SRSF11: variants seen among roughly 807,000 people sequenced by gnomAD.
SRSF11 encodes the protein serine/arginine-rich splicing factor 11.
In SRSF11, 9 loss-of-function variants were observed where a neutral mutation model predicts 56.0. The observed-to-expected ratio is 0.16, with a 90% confidence interval of 0.10 to 0.28. The LOEUF (loss-of-function observed/expected upper bound fraction) is 0.28, where lower values mean the gene tolerates loss of function less well. Among genes scored for constraint, SRSF11 ranks in the 10% least tolerant of loss-of-function variants. SRSF11 has a pLI of 1.00. For synonymous variants in SRSF11, 222 were observed against 215.3 expected (o/e 1.03, Z -0.27); for missense variants, 421 against 600.7 (o/e 0.70, Z 3.13).
chr1:70,222,834 A>G (rs540787408), intron 1 of SRSF11: 7 of 152,350 alleles, frequency 4.6e-5, no homozygotes, highest in African/African-American at 1.4e-4. Context: ...TCAATAAAAT[A>G]ATTGACAAAA....
chr1:70,231,462 T>A, intron 2 of SRSF11: 5 of 1,053,958 alleles, frequency 4.7e-6, no homozygotes, highest in Non-Finnish European at 5.7e-6. Flanking sequence ...CATTTTTGGC[T>A]TAAGGAGTTT....
At chr1:70,236,235 T>C (rs1377222266) in intron 5 of SRSF11, among the ~76,000 whole-genome samples, 1 of 152,064 alleles carries the variant, frequency 6.6e-6, no homozygotes, top group Non-Finnish European at 1.5e-5. Flanking sequence ...CAGTTGAAGC[T>C]TCCTATATAC....
chr1:70,219,998 G>A (rs1189625703), upstream of SRSF11, among the ~76,000 whole-genome samples: 12 of 152,168 alleles, frequency 7.9e-5, no homozygotes, highest in African/African-American at 2.9e-4. Flanking sequence ...AAACATTCAA[G>A]GTCAAGTGAA....
chr1:70,250,142 T>C, intron 10 of SRSF11, 95 bp downstream of exon 10: 1 of 1,316,900 alleles, frequency 7.6e-7, no homozygotes, highest in South Asian at 1.3e-5. Flanking sequence ...GCAGTTACAG[T>C]TCTTAAGAAT....
chr1:70,209,574 A>T (rs552220247), intron 1 of SRSF11, among the ~76,000 whole-genome samples: 7 of 152,044 alleles, frequency 4.6e-5, no homozygotes, highest in Non-Finnish European at 8.8e-5. Flanking sequence ...TGCCAACTTT[A>T]AGAGTAGCTG....
At chr1:70,236,792 A>AATT (rs1674163619) in intron 5 of SRSF11, among the ~76,000 whole-genome samples, 1 of 83,738 alleles carries the variant, frequency 1.2e-5, no homozygotes, top group African/African-American at 4.3e-5. Flanking sequence ...TATGTCATAA[A>AATT]TTTTTTTTTT....
intron 8 of SRSF11, among the ~76,000 whole-genome samples, chr1:70,245,234 T>C (rs1676478697): frequency 1.3e-5 from 2 of 152,244 alleles, no homozygotes; most frequent in Non-Finnish European, 2.9e-5. Context: ...AACTGCTTTT[T>C]ATCTCTTGCT....
At chr1:70,239,598 A>G (rs1674870198) in intron 7 of SRSF11, 78 bp downstream of exon 7, 2 of 1,102,110 alleles carry the variant, frequency 1.8e-6, no homozygotes, top group African/African-American at 3.2e-5. Flanking sequence ...TTTGCTGTTA[A>G]TCTGTTATCC....
chr1:70,231,552 C>G, intron 2 of SRSF11: 1 of 1,083,772 alleles, frequency 9.2e-7, no homozygotes, highest in Non-Finnish European at 1.1e-6. Flanking sequence ...AAACATAAAG[C>G]ATTTTACTGT....
intron 5 of SRSF11, 89 bp from the exon 6 acceptor site, chr1:70,237,336 T>C: frequency 6.5e-7 from 1 of 1,529,482 alleles, no homozygotes; most frequent in Admixed American, 2.2e-5. Flanking sequence ...AATATTTTGC[T>C]AAAATAATGT....
At chr1:70,211,830 G>T (rs778128310) in intron 1 of SRSF11, among the ~76,000 whole-genome samples, 4 of 152,034 alleles carry the variant, frequency 2.6e-5, no homozygotes, top group African/African-American at 9.7e-5. Context: ...CATTCTAGAG[G>T]TACATGTTTT....
intron 7 of SRSF11, among the ~76,000 whole-genome samples, chr1:70,239,987 T>C (rs778483337): frequency 6.6e-6 from 1 of 152,216 alleles, no homozygotes; most frequent in Non-Finnish European, 1.5e-5. Context: ...ATTTTCCTTA[T>C]ATAATAGACT....
chr1:70,244,319 G>A (rs1676240434), intron 7 of SRSF11, among the ~76,000 whole-genome samples: 1 of 152,090 alleles, frequency 6.6e-6, no homozygotes, highest in Non-Finnish European at 1.5e-5. Context: ...AATCAAATAA[G>A]AAATACATGC....
At chr1:70,211,715 A>AT (rs1433886989) in intron 1 of SRSF11, among the ~76,000 whole-genome samples, 3 of 152,076 alleles carry the variant, frequency 2.0e-5, no homozygotes, top group Non-Finnish European at 4.4e-5. Flanking sequence ...TCACAGTTAC[A>AT]TATACTTAAA....
chr1:70,209,965 G>A (rs569569350), intron 1 of SRSF11, among the ~76,000 whole-genome samples: 3 of 151,638 alleles, frequency 2.0e-5, no homozygotes, highest in African/African-American at 4.8e-5. Flanking sequence ...AGTTTCAAAT[G>A]TGGCTTTGAA....
In SRSF11 at chr1:70,251,801, TTG is replaced by T. The variant is rs1558243663; in HGVS notation, c.*1000_*1001del. On this transcript the variant is annotated 3_prime_UTR_variant, in exon 12 of 12. Coordinates refer to ENST00000370949, the MANE Select transcript of SRSF11 (RefSeq NM_001350605.2). ...CTCAAGTTGTATAAAACCAATAAAT[TTG>T]TGTTACTGCAGTAGTAATCTTATGC... 1 of 152,560 alleles carries T rather than the reference TTG, an allele frequency of 6.6e-6. No homozygotes were observed. The highest frequency in any genetic ancestry group is 2.4e-5 in the African/African-American group (1 of 41,446). 9.5% of individuals were successfully genotyped at this position (152,560 alleles called of 1,614,324 possible).
At chr1:70,217,943 G>C (rs1010433751), upstream of SRSF11, among the ~76,000 whole-genome samples, 6 of 152,060 alleles carry the variant, frequency 3.9e-5, no homozygotes, top group Admixed American at 3.9e-4. Context: ...CAAATCACAT[G>C]CTTGATGACA....
upstream of SRSF11, chr1:70,218,602 A>T (rs1670232754): frequency 6.6e-6 from 1 of 152,220 alleles, no homozygotes; most frequent in Non-Finnish European, 1.5e-5. Flanking sequence ...AGAATAAATA[A>T]GTGTTAACAT....
chr1:70,240,262 A>G (rs1005673333), intron 7 of SRSF11, among the ~76,000 whole-genome samples: 1 of 152,156 alleles, frequency 6.6e-6, no homozygotes, highest in Admixed American at 6.5e-5. Context: ...AATAAAATTA[A>G]CTTTACTGCT....
Sources: allele counts gnomAD v4.1 joint callset (sites outside exome capture counted in the v4.1 genomes callset), GRCh38; gene constraint gnomAD v4.1.1; transcripts MANE v1.5; gene names NCBI Gene and HGNC (gene_info 2026-07-23, HGNC 2026-07-21).